Variants in PTPRD observed in about 807,000 individuals in gnomAD.
PTPRD encodes the protein protein tyrosine phosphatase receptor type D, also known as receptor-type tyrosine-protein phosphatase delta.
Under a neutral mutation model 214.5 loss-of-function variants are expected in PTPRD, and 34 were observed. The observed-to-expected ratio is 0.16, with a 90% CI of 0.12 to 0.21. The LOEUF (loss-of-function observed/expected upper bound fraction) is 0.21. Among genes scored for constraint, PTPRD ranks in the 10% least tolerant of loss-of-function variants. The pLI is 1.00. For missense variants in PTPRD, 2,545 were observed against 2,398.7 expected (o/e 1.06, Z -1.27); for synonymous variants, 1,128 against 845.7 (o/e 1.33, Z -5.79).
chr9:8,332,808 G>C (rs1045443863), intron 43 of PTPRD, among the ~76,000 whole-genome samples: 1 of 152,068 alleles, frequency 6.6e-6, no homozygotes, highest in East Asian at 1.9e-4. Flanking sequence ...TAGAGAGACC[G>C]ATCTCATTTC....
intron 3 of PTPRD, among the ~76,000 whole-genome samples, chr9:10,233,542 A>G (rs906438171): frequency 6.6e-6 from 1 of 152,062 alleles, no homozygotes; most frequent in African/African-American, 2.4e-5. Flanking sequence ...TAAAATATGA[A>G]CATTTTATTT....
chr9:9,562,515 C>A (rs1283349815), intron 8 of PTPRD, among the ~76,000 whole-genome samples: 2 of 152,152 alleles, frequency 1.3e-5, no homozygotes, highest in Non-Finnish European at 2.9e-5. Context: ...AAAGCTCTAC[C>A]TGACCTGCCT....
At chr9:10,044,248 T>C (rs1221056032) in intron 3 of PTPRD, among the ~76,000 whole-genome samples, 8 of 151,816 alleles carry the variant, frequency 5.3e-5, no homozygotes, top group Non-Finnish European at 1.2e-4. Flanking sequence ...TTCTCTAAAA[T>C]AATACTTTCT....
intron 11 of PTPRD, among the ~76,000 whole-genome samples, chr9:8,881,154 C>T (rs1587258685): frequency 6.6e-6 from 1 of 152,256 alleles, no homozygotes. Flanking sequence ...ATTTATTAAG[C>T]ACTTACTGTA....
intron 27 of PTPRD, among the ~76,000 whole-genome samples, chr9:8,490,329 G>A (rs955348983): frequency 1.2e-4 from 19 of 152,072 alleles, no homozygotes; most frequent in African/African-American, 2.2e-4. Flanking sequence ...GAATTGGTAC[G>A]TATGTGTGGT....
At chr9:8,377,064 G>C (rs1411998925) in intron 37 of PTPRD, among the ~76,000 whole-genome samples, 1 of 152,100 alleles carries the variant, frequency 6.6e-6, no homozygotes, top group Admixed American at 6.6e-5. Context: ...TAGACGTTAT[G>C]AATCACATCG....
At chr9:8,933,444 T>C (rs2098968445) in intron 11 of PTPRD, among the ~76,000 whole-genome samples, 1 of 151,054 alleles carries the variant, frequency 6.6e-6, no homozygotes, top group East Asian at 2.0e-4. Flanking sequence ...TTCTGAATGA[T>C]TTTAAAGGGA....
At chr9:10,427,957 T>C (rs1042728622) in intron 2 of PTPRD, among the ~76,000 whole-genome samples, 6 of 152,250 alleles carry the variant, frequency 3.9e-5, no homozygotes, top group African/African-American at 1.4e-4. Context: ...CACAGTTGCA[T>C]GCATGTTTGT....
intron 14 of PTPRD, among the ~76,000 whole-genome samples, chr9:8,626,119 T>A (rs1364694995): frequency 6.6e-6 from 1 of 151,872 alleles, no homozygotes; most frequent in Non-Finnish European, 1.5e-5. Flanking sequence ...TAAAACTACA[T>A]CTTAATTAGT....
intron 14 of PTPRD, among the ~76,000 whole-genome samples, chr9:8,531,534 G>A (rs1212306598): frequency 3.3e-5 from 5 of 152,022 alleles, no homozygotes; most frequent in Non-Finnish European, 5.9e-5. Context: ...ATAAAAATGA[G>A]TTTCTGAAAA....
At chr9:8,711,578 C>G (rs188184329) in intron 12 of PTPRD, among the ~76,000 whole-genome samples, 7 of 152,078 alleles carry the variant, frequency 4.6e-5, no homozygotes, top group Non-Finnish European at 8.8e-5. Flanking sequence ...ACAAAGATCA[C>G]GTCTCCAAGC....
At chr9:10,434,537 T>TA (rs1472839262) in intron 2 of PTPRD, among the ~76,000 whole-genome samples, 5 of 151,830 alleles carry the variant, frequency 3.3e-5, no homozygotes, top group African/African-American at 1.2e-4. Flanking sequence ...TTCTTTCTCT[T>TA]AAAAAAGAAT....
intron 8 of PTPRD, among the ~76,000 whole-genome samples, chr9:9,482,857 A>G (rs1330431892): frequency 8.5e-5 from 13 of 152,192 alleles, no homozygotes; most frequent in Non-Finnish European, 1.3e-4. Context: ...AATTATGCAA[A>G]TAAGTAATTG....
intron 3 of PTPRD, among the ~76,000 whole-genome samples, chr9:10,049,362 C>T (rs978297165): frequency 1.5e-5 from 2 of 137,862 alleles, no homozygotes; most frequent in African/African-American, 2.7e-5. Flanking sequence ...TTAGAACATA[C>T]TGAACTGGAT....
chr9:9,820,949 T>C (rs1048395363), intron 5 of PTPRD, among the ~76,000 whole-genome samples: 1 of 152,136 alleles, frequency 6.6e-6, no homozygotes, highest in African/African-American at 2.4e-5. Context: ...TTGTTCAGGA[T>C]TGCTTTGGCT....
chr9:10,350,984 G>A (rs1243220609), intron 2 of PTPRD, among the ~76,000 whole-genome samples: 9 of 152,046 alleles, frequency 5.9e-5, no homozygotes, highest in Non-Finnish European at 1.3e-4. Context: ...GAAGAGATGG[G>A]TATAATACTG....
intron 23 of PTPRD, among the ~76,000 whole-genome samples, chr9:8,502,396 G>C (rs191058982): frequency 1.3e-5 from 2 of 152,214 alleles, no homozygotes; most frequent in Admixed American, 6.5e-5. Context: ...ACATTACGGA[G>C]TGCCAGGTGT....
At position 10,099,066 on chromosome 9, in the gene PTPRD, G is replaced by C. The variant is rs180931164; in HGVS notation, c.-544-65276C>G. On this transcript the variant is annotated intron_variant, in intron 3 of 45. Coordinates refer to ENST00000381196, the MANE Select transcript of PTPRD (RefSeq NM_002839.4). ...AGTTACAGAAATATGTGGTAGCCCT[G>C]TCATAATTTCATTAATAAATGACAT... Among the ~76,000 whole-genome samples the C allele has an allele frequency of 4.3e-3, 647 of 151,868 alleles. 4 individuals carry two copies. The highest frequency in any genetic ancestry group is 0.014 in the African/African-American group (600 of 41,490).
At chr9:9,673,212 T>G (rs925624406) in intron 7 of PTPRD, among the ~76,000 whole-genome samples, 1 of 151,968 alleles carries the variant, frequency 6.6e-6, no homozygotes. Flanking sequence ...AATAGCCCAA[T>G]TGTTTATGTG....
Sources: allele counts gnomAD v4.1 joint callset (sites outside exome capture counted in the v4.1 genomes callset), GRCh38; gene constraint gnomAD v4.1.1; transcripts MANE v1.5; gene names NCBI Gene and HGNC (gene_info 2026-07-23, HGNC 2026-07-21).